The following RNF144A variants were observed in gnomAD, a reference collection of about 807,000 sequenced individuals.
RNF144A encodes ring finger protein 144A, also known as E3 ubiquitin-protein ligase RNF144A.
A neutral mutation model predicts 38.7 loss-of-function variants in RNF144A; 11 were observed. The observed-to-expected ratio is 0.28, with a 90% confidence interval of 0.18 to 0.47. The LOEUF is 0.47. RNF144A is among the 20% of genes least tolerant of loss of function. RNF144A has a pLI of 0.99. For missense variants in RNF144A, 316 were observed against 377.2 expected, an observed-to-expected ratio of 0.84 and a Z score of 1.34; for synonymous variants, 149 against 143.9, an observed-to-expected ratio of 1.04 and a Z score of -0.25.
intron 7 of RNF144A, among the ~76,000 whole-genome samples, chr2:7,025,459 C>A (rs1671822584): frequency 6.6e-6 from 1 of 152,126 alleles, no homozygotes; most frequent in Admixed American, 6.5e-5. Flanking sequence ...AGATTACCTG[C>A]GGTCAGGAGT....
In RNF144A at chr2:7,042,162, A is replaced by G; in HGVS notation, c.*2402A>G. The G allele has an allele frequency of 1.0e-6, 1 of 985,194 alleles. No individual in the cohort carries two copies. The highest frequency in any genetic ancestry group is 1.2e-6 in the Non-Finnish European group (1 of 829,692). The allele number at this position is 985,194 out of a possible 1,614,324, so 61.0% of individuals were successfully genotyped here. A position where few individuals can be genotyped will look rare whatever the true frequency, so the allele number is the denominator to read the frequency against. On this transcript the variant is annotated 3_prime_UTR_variant, in exon 9 of 9. Coordinates refer to ENST00000320892, the MANE Select transcript of RNF144A (RefSeq NM_014746.6). The stretch of plus-strand genomic sequence containing the variant: ...TAAATACCAGCAAGATCACTCTGAG[A>G]TACATAAACTCGCATTTCCTTCTGT...
At chr2:7,021,060 G>A (rs906951180) in intron 6 of RNF144A, among the ~76,000 whole-genome samples, 2 of 152,154 alleles carry the variant, frequency 1.3e-5, no homozygotes, top group African/African-American at 2.4e-5. Context: ...ACAGAAACAA[G>A]AACAGGAGTA....
intron 2 of RNF144A, among the ~76,000 whole-genome samples, chr2:6,981,277 G>A (rs1471867041): frequency 6.6e-6 from 1 of 151,814 alleles, no homozygotes; most frequent in African/African-American, 2.4e-5. Flanking sequence ...CCAGAAAATG[G>A]GTTTTTTCTT....
At chr2:7,023,387 A>G (rs1021496775) in intron 6 of RNF144A, among the ~76,000 whole-genome samples, 2 of 152,204 alleles carry the variant, frequency 1.3e-5, no homozygotes, top group Admixed American at 1.3e-4. Flanking sequence ...GAATTTGCTC[A>G]ACTGCCGTGA....
At chr2:7,051,943 T>C (rs775508505) in intron 6 of RNF144A, among the ~76,000 whole-genome samples, 1 of 152,186 alleles carries the variant, frequency 6.6e-6, no homozygotes, top group Non-Finnish European at 1.5e-5. Flanking sequence ...AATCCCCCAG[T>C]ATTCAGAATA....
At position 7,040,634 on chromosome 2, in the gene RNF144A, C is replaced by T. The variant is rs562912815; in HGVS notation, c.*874C>T. On this transcript the variant is annotated 3_prime_UTR_variant, in exon 9 of 9. Transcript: ENST00000320892. ...TTGTATTCAATCCCACTGCTTTGCTCGGCAATGGTTCTCCTCCGAATTGCT... is the reference window on the plus strand; with the variant it reads ...TTGTATTCAATCCCACTGCTTTGCTTGGCAATGGTTCTCCTCCGAATTGCT... The T allele has an allele frequency of 1.8e-4, 173 of 985,442 alleles. 1 individual carries two copies. In the African/African-American group the frequency reaches 2.6e-3, roughly 15 times the overall value. The allele number at this position is 985,442 out of a possible 1,614,324, so 61.0% of individuals were successfully genotyped here.
chr2:6,956,467 A>G (rs1667008229), intron 2 of RNF144A, among the ~76,000 whole-genome samples: 2 of 152,222 alleles, frequency 1.3e-5, no homozygotes, highest in African/African-American at 4.8e-5. Flanking sequence ...GTTGTTGCAT[A>G]GATCCCCATG....
intron 3 of RNF144A, among the ~76,000 whole-genome samples, chr2:7,000,016 A>G (rs1670000783): frequency 6.6e-6 from 1 of 152,156 alleles, no homozygotes. Flanking sequence ...TGTTCCTTCA[A>G]TGTATTTCAG....
intron 3 of RNF144A, among the ~76,000 whole-genome samples, chr2:7,013,616 C>G (rs1351911443): frequency 1.3e-5 from 2 of 152,116 alleles, no homozygotes; most frequent in African/African-American, 4.8e-5. Flanking sequence ...CATCTAGTTT[C>G]TCTTGGTAGT....
intron 3 of RNF144A, among the ~76,000 whole-genome samples, chr2:7,009,125 C>T (rs1670636394): frequency 6.6e-6 from 1 of 152,178 alleles, no homozygotes; most frequent in South Asian, 2.1e-4. Flanking sequence ...GACAGGAGAC[C>T]CATACACAGC....
chr2:7,057,468 C>T lies in RNF144A; in HGVS notation c.735-10748C>T, dbSNP rs533992841. Among the ~76,000 whole-genome samples, 3 of 152,286 alleles carry T rather than the reference C, an allele frequency of 2.0e-5. No homozygotes were observed. The South Asian group carries it at 6.2e-4, about 32-fold the overall frequency. Reference sequence around the variant, plus strand: ...AGTAAGATGTTAGACAGTCAGGAGACCTGGGATGTCATCCTCAATTCATTT... The same window carrying T: ...AGTAAGATGTTAGACAGTCAGGAGATCTGGGATGTCATCCTCAATTCATTT... On this transcript the variant is annotated intron_variant, in intron 6 of 6. Transcript: ENST00000432850.
chr2:7,029,704 A>T lies in RNF144A; in HGVS notation c.658-422A>T, dbSNP rs569602300. Among the ~76,000 whole-genome samples the T allele has an allele frequency of 3.2e-3, 485 of 152,302 alleles. 2 individuals carry two copies. The highest frequency in any genetic ancestry group is 8.1e-3 in the South Asian group (39 of 4,828). ...ACCAGGAAGATGCCAGGGCAGAGGG[A>T]CTCTGGTGGAGTCACACACAGCCGG... On this transcript the variant is annotated intron_variant, in intron 7 of 8. Coordinates refer to ENST00000320892, the MANE Select transcript of RNF144A (RefSeq NM_014746.6).
intron 2 of RNF144A, among the ~76,000 whole-genome samples, chr2:6,957,308 G>A (rs1466282160): frequency 6.6e-6 from 1 of 152,242 alleles, no homozygotes; most frequent in African/African-American, 2.4e-5. Context: ...ATCTGCTCCG[G>A]TGTTGAGAGT....
chr2:7,060,667 T>C (rs1177019410), intron 6 of RNF144A, among the ~76,000 whole-genome samples: 1 of 152,190 alleles, frequency 6.6e-6, no homozygotes, highest in Non-Finnish European at 1.5e-5. Context: ...ACCCTTGGTT[T>C]CCCAGACCAC....
chr2:6,961,770 C>T (rs2103330820), intron 2 of RNF144A, among the ~76,000 whole-genome samples: 1 of 152,340 alleles, frequency 6.6e-6, no homozygotes, highest in African/African-American at 2.4e-5. Context: ...AGCATGAATA[C>T]CCCTTCTTCC....
intron 1 of RNF144A, among the ~76,000 whole-genome samples, chr2:6,936,208 T>C (rs1475625675): frequency 6.6e-6 from 1 of 152,188 alleles, no homozygotes; most frequent in African/African-American, 2.4e-5. Flanking sequence ...TATCACGTCT[T>C]CAGAGAGGCC....
At chr2:6,984,664 A>G (rs1039827819) in intron 2 of RNF144A, among the ~76,000 whole-genome samples, 5 of 152,272 alleles carry the variant, frequency 3.3e-5, no homozygotes, top group South Asian at 2.1e-4. Flanking sequence ...GGGAATAACT[A>G]TTTACTTTTA....
At chr2:6,975,924 G>A (rs1668284373) in intron 2 of RNF144A, among the ~76,000 whole-genome samples, 1 of 152,248 alleles carries the variant, frequency 6.6e-6, no homozygotes, top group Admixed American at 6.5e-5. Flanking sequence ...ATGCTTTGCT[G>A]TTTTCACTTA....
At chr2:6,955,114 G>GT (rs911875428) in intron 2 of RNF144A, among the ~76,000 whole-genome samples, 3 of 152,070 alleles carry the variant, frequency 2.0e-5, no homozygotes, top group African/African-American at 4.8e-5. Flanking sequence ...GATAAGAAAC[G>GT]TTTTTTCTTT....
Sources: gnomAD v4.1 joint callset for allele counts (sites outside exome capture counted in the v4.1 genomes callset) on GRCh38, gnomAD v4.1.1 for gene constraint, MANE v1.5 for transcripts, NCBI Gene and HGNC (gene_info 2026-07-23, HGNC 2026-07-21) for gene names.